Variants in CDON observed in about 807,000 individuals in gnomAD.
CDON encodes cell adhesion associated, oncogene regulated, also known as cell adhesion molecule-related/down-regulated by oncogenes.
A neutral mutation model predicts 120.9 loss-of-function variants in CDON; 73 were observed. That is an observed-to-expected ratio of 0.60 (90% CI 0.50 to 0.73). The LOEUF is 0.73. Among genes scored for constraint, CDON ranks in the 30% least tolerant of loss-of-function variants. CDON has a pLI of 0.00. For synonymous variants in CDON, 566 were observed against 573.5 expected (o/e 0.99, Z 0.19); for missense variants, 1,470 against 1,587.3 (o/e 0.93, Z 1.26).
In CDON at chr11:126,059,892, G is replaced by A. The variant is rs143752845; in HGVS notation, c.-62+2687C>T. Among the ~76,000 whole-genome samples the A allele has an allele frequency of 1.6e-3, 241 of 151,606 alleles. 4 individuals carry two copies. In the East Asian group the frequency reaches 0.04, roughly 25 times the overall value. On this transcript the variant is annotated intron_variant, in intron 1 of 19. Transcript: ENST00000531738. ...TACTGTATGTTTTAAGCCTGACAAT[G>A]GGGGAAAGAGCACAAGCAATGAGGG...
In CDON at chr11:126,010,499, G is replaced by A. The variant is rs773719753; in HGVS notation, c.1394C>T (p.Pro465Leu). Residue 465 changes from proline to leucine, a missense_variant, in exon 8 of 20, where the codon CCT (proline) becomes CTT (leucine). Physicochemically the swap from Pro to Leu is moderately conservative, Grantham distance 98. Transcript: ENST00000531738. ...CACAGGCTCCAGGTTCAAGCCCTCAGGTCTTGATAACTGTGATTTTCGGGA... is the reference window on the plus strand; with the variant it reads ...CACAGGCTCCAGGTTCAAGCCCTCAAGTCTTGATAACTGTGATTTTCGGGA... The part of the protein sequence containing the change: ...SKSRKSQLSR[P>L]EGLNLEPVYF... The A allele has an allele frequency of 3.1e-6, 5 of 1,614,094 alleles. No individual in the cohort carries two copies. The highest frequency in any genetic ancestry group is 4.2e-6 in the Non-Finnish European group (5 of 1,179,994).
chr11:125,970,417 C>T (rs1267837418), intron 18 of CDON, among the ~76,000 whole-genome samples: 1 of 152,040 alleles, frequency 6.6e-6, no homozygotes, highest in African/African-American at 2.4e-5. Context: ...TCGTGATCTG[C>T]CTGCTTCAGT....
intron 1 of CDON, among the ~76,000 whole-genome samples, chr11:126,039,009 T>C (rs1948180753): frequency 6.6e-6 from 1 of 152,200 alleles, no homozygotes; most frequent in African/African-American, 2.4e-5. Context: ...GGCTTTTAGG[T>C]ACTCGCCTCC....
chr11:125,984,319 C>T (rs916909916), intron 15 of CDON, among the ~76,000 whole-genome samples: 1 of 152,212 alleles, frequency 6.6e-6, no homozygotes, highest in African/African-American at 2.4e-5. Context: ...GGCAAAGGAA[C>T]ATATGCACTT....
chr11:125,994,359 T>C lies in CDON; in HGVS notation c.2575A>G (p.Ile859Val), dbSNP rs1565511754. Reference sequence around the variant, plus strand: ...CGGTAATAGATATAAAATCCTTGAATGGGAGTGTTATTGTTACTTGATGGA... The same window carrying C: ...CGGTAATAGATATAAAATCCTTGAACGGGAGTGTTATTGTTACTTGATGGA... ...YIPSSNNNTP[I>V]QGFYIYYRPT... The change falls in exon 14 of 20, where the codon ATT (isoleucine) becomes GTT (valine). Residue 859 changes from isoleucine (I) to valine (V), a missense_variant. Ile to Val is a conservative substitution (Grantham distance 29, BLOSUM62 3). Transcript: ENST00000531738. 3.1e-6 allele frequency: 5 copies of C among 1,589,532 alleles called. No homozygotes were observed. The Admixed American group carries it at 5.0e-5, about 16-fold the overall frequency.
rs61917817 is a variant in CDON at position 125,976,689 on chromosome 11, T to A, written c.3356+1615A>T. Among the ~76,000 whole-genome samples the A allele has an allele frequency of 3.7e-3, 558 of 152,138 alleles. 1 individual carries two copies. The highest frequency in any genetic ancestry group is 6.0e-3 in the Non-Finnish European group (406 of 67,996). On this transcript the variant is annotated intron_variant, in intron 18 of 19. Transcript: ENST00000531738. Reference sequence around the variant, plus strand: ...AAGGTCATTTAAATGGCAGAGGTCATATAAGTCCTTCTAAGGAAATGGGAT... The same window carrying A: ...AAGGTCATTTAAATGGCAGAGGTCAAATAAGTCCTTCTAAGGAAATGGGAT...
intron 1 of CDON, among the ~76,000 whole-genome samples, chr11:126,059,486 C>T (rs568243419): frequency 2.0e-5 from 3 of 151,316 alleles, no homozygotes; most frequent in Admixed American, 6.6e-5. Context: ...CTCAACCCCC[C>T]CTGCCCGCAT....
chr11:126,056,580 C>T (rs964288286), intron 1 of CDON, among the ~76,000 whole-genome samples: 2 of 152,218 alleles, frequency 1.3e-5, no homozygotes, highest in African/African-American at 4.8e-5. Context: ...GAAATACAAG[C>T]TATTAACCAC....
intron 1 of CDON, among the ~76,000 whole-genome samples, chr11:126,058,958 T>C (rs1363926307): frequency 1.1e-4 from 17 of 152,202 alleles, no homozygotes; most frequent in Non-Finnish European, 2.2e-4. Flanking sequence ...CTAGAAATGA[T>C]ACAATTCTTA....
chr11:126,021,523 A>G lies in CDON; in HGVS notation c.77-3T>C. The stretch of plus-strand genomic sequence containing the variant: ...AGAAGTAAAATAAGGTGCCAAGTCT[A>G]CAAGGGAATATTCCCCATATGCAAA... On this transcript the variant is annotated splice_polypyrimidine_tract_variant and splice_region_variant and intron_variant, in intron 2 of 19. Coordinates refer to ENST00000531738, the MANE Select transcript of CDON (RefSeq NM_001378964.1). 2 of 1,613,676 alleles carry G rather than the reference A, an allele frequency of 1.2e-6. No homozygotes were observed. The highest frequency in any genetic ancestry group is 1.7e-6 in the Non-Finnish European group (2 of 1,179,734).
At chr11:126,024,024 C>A (rs1947712908) in intron 1 of CDON, among the ~76,000 whole-genome samples, 2 of 152,268 alleles carry the variant, frequency 1.3e-5, no homozygotes, top group Non-Finnish European at 2.9e-5. Flanking sequence ...GGTTTTTGTC[C>A]CTTTTTTCAG....
chr11:126,010,666 C>T lies in CDON; in HGVS notation c.1227G>A (p.Thr409=), dbSNP rs202141551. The change falls in exon 8 of 20, where the codon ACG becomes ACA. Residue 409 remains threonine, a synonymous_variant. Coordinates refer to ENST00000531738, the MANE Select transcript of CDON (RefSeq NM_001378964.1). ...NDGGFKPVII[T]APVSAKVADG... is the part of the protein sequence containing the mutation. ...CTGCAACCTTTGCACTTACTGGTGC[C>T]GTAATTATAACTGGCTTGAATCCAC... 59 of 1,613,888 alleles carry T rather than the reference C, an allele frequency of 3.7e-5. No individual in the cohort carries two copies. Among genetic ancestry groups the T allele is most frequent in the East Asian group, 3.6e-4 (16 of 44,868 alleles).
At chr11:125,969,620 T>G (rs901231846) in intron 18 of CDON, among the ~76,000 whole-genome samples, 1 of 152,214 alleles carries the variant, frequency 6.6e-6, no homozygotes, top group Admixed American at 6.5e-5. Context: ...ACTACTTTGT[T>G]TAATCTTAAG....
At chr11:125,995,185 C>A in intron 12 of CDON, 133 bp from the exon 13 acceptor site, 1 of 764,082 alleles carries the variant, frequency 1.3e-6, no homozygotes, top group Non-Finnish European at 2.2e-6. Flanking sequence ...ACTAAAGTAT[C>A]TAAAGCCTGT....
intron 18 of CDON, among the ~76,000 whole-genome samples, chr11:125,965,512 G>A (rs1945772073): frequency 6.6e-6 from 1 of 152,176 alleles, no homozygotes; most frequent in Non-Finnish European, 1.5e-5. Flanking sequence ...AGACAGATAA[G>A]AAGCTGAGCA....
chr11:125,959,436 T>C lies in CDON; in HGVS notation c.*1506A>G, dbSNP rs1945577865. 1 of 151,956 alleles carries C rather than the reference T, an allele frequency of 6.6e-6. No individual in the cohort carries two copies. Among genetic ancestry groups the C allele is most frequent in the Admixed American group, 6.5e-5 (1 of 15,276 alleles). The allele number at this position is 151,956 out of a possible 1,614,324, so 9.4% of individuals were successfully genotyped here. ...ATGAAACACACTTACATAATTATTG[T>C]TTTTTAATGTGAAGAGCCTTCCAAA... On this transcript the variant is annotated 3_prime_UTR_variant, in exon 20 of 20. Transcript: ENST00000531738.
chr11:125,965,635 T>C (rs1263020688), intron 18 of CDON, among the ~76,000 whole-genome samples: 1 of 152,166 alleles, frequency 6.6e-6, no homozygotes, highest in African/African-American at 2.4e-5. Flanking sequence ...CTTGAAGGGC[T>C]ACACCCTAAA....
At chr11:126,021,571 G>T (rs1591396109) in intron 2 of CDON, 51 bp from the exon 3 acceptor site, 1 of 1,525,834 alleles carries the variant, frequency 6.6e-7, no homozygotes, top group African/African-American at 1.4e-5. Flanking sequence ...GAAAAGAGGA[G>T]AGAGAAAGAA....
intron 1 of CDON, among the ~76,000 whole-genome samples, chr11:126,060,013 C>CCTTAATA (rs1948758984): frequency 6.6e-6 from 1 of 151,448 alleles, no homozygotes; most frequent in South Asian, 2.1e-4. Flanking sequence ...ATATTCCATA[C>CCTTAATA]ACCATCCCTT....
Sources: allele counts gnomAD v4.1 joint callset (sites outside exome capture counted in the v4.1 genomes callset), GRCh38; gene constraint gnomAD v4.1.1; transcripts MANE v1.5; gene names NCBI Gene and HGNC (gene_info 2026-07-23, HGNC 2026-07-21).